ATP13A4: variants seen among roughly 807,000 people sequenced by gnomAD.
ATP13A4 encodes probable cation-transporting ATPase 13A4.
A neutral mutation model predicts 142.5 loss-of-function variants in ATP13A4; 114 were observed. The ratio of observed to expected loss-of-function variants is 0.80; its 90% CI spans 0.69 to 0.93. ATP13A4 has a LOEUF of 0.93. Ranked by LOEUF, ATP13A4 falls within the 40% of genes least tolerant of loss-of-function variation. The probability of loss-of-function intolerance (pLI) is 0.00; values close to 1 mark genes in which losing one functional copy is unlikely to be tolerated. For missense variants in ATP13A4, 1,392 were observed against 1,454.0 expected (o/e 0.96, Z 0.69); for synonymous variants, 488 against 514.8 (o/e 0.95, Z 0.70).
At chr3:193,574,760 T>C (rs1724358604) in intron 2 of ATP13A4, among the ~76,000 whole-genome samples, 1 of 152,116 alleles carries the variant, frequency 6.6e-6, no homozygotes, top group Non-Finnish European at 1.5e-5. Context: ...CTGAGTCTGA[T>C]TCTGTAATGG....
chr3:193,437,717 T>C (rs1274866044), intron 23 of ATP13A4, among the ~76,000 whole-genome samples: 4 of 152,130 alleles, frequency 2.6e-5, no homozygotes, highest in African/African-American at 7.2e-5. Context: ...GCAGCCACCA[T>C]GCTCACTATC....
chr3:193,520,708 T>C (rs1721668522), intron 1 of ATP13A4, among the ~76,000 whole-genome samples: 1 of 152,126 alleles, frequency 6.6e-6, no homozygotes. Flanking sequence ...TTATTATTAT[T>C]AAAAATAAAA....
At position 193,464,988 on chromosome 3, in the gene ATP13A4, G is replaced by C; in HGVS notation, c.1413C>G (p.Pro471=). ...ACTGTCCACATACGTTGATCCTCTG[G>C]GGGCTAATGCAGAAGATGCCTCTCT... ...LKKRGIFCIS[P]QRINVCGQLN... is the part of the protein sequence containing the mutation. The change falls in exon 12 of 30, where the codon CCC becomes CCG. Residue 471 remains proline, a synonymous_variant. Transcript: ENST00000342695. 1.9e-6 allele frequency: 3 copies of C among 1,614,058 alleles called. No homozygotes were observed. Among genetic ancestry groups the C allele is most frequent in the Non-Finnish European group, 2.5e-6 (3 of 1,180,006 alleles).
In ATP13A4 at chr3:193,519,740, G is replaced by A. The variant is rs149422397; in HGVS notation, c.61-4869C>T. 3.1e-3 allele frequency among the ~76,000 whole-genome samples: 438 copies of A among 141,344 alleles called. 2 individuals are homozygous for A. Among genetic ancestry groups the A allele is most frequent in the South Asian group, 8.3e-3 (37 of 4,442 alleles). 92.7% of individuals were successfully genotyped at this position (141,344 alleles called of 152,430 possible). A position where few individuals can be genotyped will look rare whatever the true frequency, so the allele number is the denominator to read the frequency against. ...GCTCACTGCAGCCTCTACCTCCTGC[G>A]TTCCAGTGATTCTCCTGCCTCAGCC... On this transcript the variant is annotated intron_variant, in intron 1 of 29. Coordinates refer to ENST00000342695, the MANE Select transcript of ATP13A4 (RefSeq NM_032279.4).
chr3:193,554,628 A>G (rs9883845), intron 1 of ATP13A4, 112 bp downstream of exon 1: 248,682 of 1,377,410 alleles, frequency 0.18, 23,816 homozygotes, highest in Non-Finnish European at 0.19. Flanking sequence ...AAATTTTAGA[A>G]AAGTCTGTGT....
intron 26 of ATP13A4, among the ~76,000 whole-genome samples, 192 bp downstream of exon 26, chr3:193,414,387 G>A (rs899412911): frequency 1.3e-5 from 2 of 152,062 alleles, no homozygotes; most frequent in Non-Finnish European, 2.9e-5. Context: ...AAGTGCTAAT[G>A]AATGAATGAT....
At chr3:193,541,243 C>G (rs1472158021) in intron 1 of ATP13A4, among the ~76,000 whole-genome samples, 1 of 95,280 alleles carries the variant, frequency 1.0e-5, no homozygotes, top group East Asian at 3.1e-4. Flanking sequence ...AGCGAGACTC[C>G]TTCTCAAAAA....
intron 20 of ATP13A4, 46 bp from the exon 21 acceptor site, chr3:193,440,683 T>A: frequency 2.5e-6 from 4 of 1,584,734 alleles, no homozygotes; most frequent in Non-Finnish European, 3.5e-6. Context: ...GTCATCTGGT[T>A]GTACATGAAA....
At chr3:193,573,290 C>CGT (rs1279066051) in intron 2 of ATP13A4, among the ~76,000 whole-genome samples, 7 of 109,964 alleles carry the variant, frequency 6.4e-5, no homozygotes, top group Non-Finnish European at 1.0e-4. Context: ...TATATATATA[C>CGT]ACATATATAT....
At chr3:193,500,426 C>T (rs1720478177) in intron 3 of ATP13A4, among the ~76,000 whole-genome samples, 1 of 152,106 alleles carries the variant, frequency 6.6e-6, no homozygotes, top group Non-Finnish European at 1.5e-5. Flanking sequence ...TTTAAACCAG[C>T]GATCTCCAAC....
rs1714192532 is a variant in ATP13A4, at chr3:193,399,428, G to C, written c.*3224C>G. On this transcript the variant is annotated 3_prime_UTR_variant, in exon 30 of 30. Transcript: ENST00000342695. The stretch of plus-strand genomic sequence containing the variant: ...TTTCCTAGGATCTTATCTCCATTAG[G>C]GGTCCCCTTTCAAGGTACAGGGCAA... Among the ~76,000 whole-genome samples, 1 of 152,066 alleles carries C rather than the reference G, an allele frequency of 6.6e-6. No homozygotes were observed. Among genetic ancestry groups the C allele is most frequent in the African/African-American group, 2.4e-5 (1 of 41,392 alleles).
In ATP13A4 at chr3:193,454,172, T is replaced by G; in HGVS notation, c.1956A>C (p.Thr652=). 2 of 1,614,168 alleles carry G rather than the reference T, an allele frequency of 1.2e-6. No individual in the cohort carries two copies. Among genetic ancestry groups the G allele is most frequent in the Non-Finnish European group, 1.7e-6 (2 of 1,179,966 alleles). Residue 652 remains threonine, a synonymous_variant, in exon 17 of 30, where the codon ACA becomes ACC. Coordinates refer to ENST00000342695, the MANE Select transcript of ATP13A4 (RefSeq NM_032279.4). ...SFVSELQIYT[T]QGFRVIALAY... is the part of the protein sequence containing the mutation. The stretch of plus-strand genomic sequence containing the variant: ...CCAGTGCTATGACTCGGAAGCCCTG[T>G]GTCGTGTAAATCTGAAGTTCGCTAA...
intron 1 of ATP13A4, among the ~76,000 whole-genome samples, chr3:193,546,842 A>G (rs1723257130): frequency 6.6e-6 from 1 of 152,232 alleles, no homozygotes; most frequent in East Asian, 1.9e-4. Flanking sequence ...TTTCGTATTC[A>G]TAAAAGAGAG....
chr3:193,524,156 A>G (rs1203947982), intron 1 of ATP13A4, among the ~76,000 whole-genome samples: 1 of 152,240 alleles, frequency 6.6e-6, no homozygotes, highest in Non-Finnish European at 1.5e-5. Context: ...TATGAAATGG[A>G]CTAAGACAAT....
At chr3:193,557,717 T>C (rs1459028785), upstream of ATP13A4, among the ~76,000 whole-genome samples, 2 of 152,352 alleles carry the variant, frequency 1.3e-5, no homozygotes, top group Middle Eastern at 3.4e-3. Flanking sequence ...ACACATTTAT[T>C]TGGCACATCC....
intron 8 of ATP13A4, among the ~76,000 whole-genome samples, chr3:193,480,395 AC>A (rs1719222152): frequency 6.6e-6 from 1 of 152,160 alleles, no homozygotes; most frequent in South Asian, 2.1e-4. Flanking sequence ...AAGGACTAAT[AC>A]CCAGAATCTA....
chr3:193,422,056 T>G (rs530656963), intron 25 of ATP13A4, among the ~76,000 whole-genome samples: 1 of 149,806 alleles, frequency 6.7e-6, no homozygotes, highest in East Asian at 2.1e-4. Context: ...AAAGACTCAC[T>G]TTATCCTTAG....
At chr3:193,571,301 A>G (rs1435124263) in intron 2 of ATP13A4, among the ~76,000 whole-genome samples, 2 of 149,480 alleles carry the variant, frequency 1.3e-5, no homozygotes, top group Non-Finnish European at 3.0e-5. Context: ...AGAAATATCC[A>G]TGAGTTCAAA....
intron 1 of ATP13A4, among the ~76,000 whole-genome samples, chr3:193,543,119 GA>G (rs954945746): frequency 1.4e-5 from 2 of 147,562 alleles, no homozygotes; most frequent in Non-Finnish European, 3.0e-5. Context: ...AGTGAGCTGA[GA>G]TCGCACCACT....
Sources: gnomAD v4.1 joint callset for allele counts (sites outside exome capture counted in the v4.1 genomes callset) on GRCh38, gnomAD v4.1.1 for gene constraint, MANE v1.5 for transcripts, NCBI Gene and HGNC (gene_info 2026-07-23, HGNC 2026-07-21) for gene names.